Variants in FMN1 observed in about 807,000 individuals in gnomAD.
FMN1 encodes the protein formin 1, also known as formin-1.
FMN1 carries 110 observed loss-of-function variants against 132.4 expected under a neutral mutation model. The observed-to-expected ratio is 0.83, with a 90% CI of 0.71 to 0.97. The LOEUF (loss-of-function observed/expected upper bound fraction) is 0.97. FMN1 is among the 50% of genes least tolerant of loss of function. The pLI is 0.00. For synonymous variants in FMN1, 722 were observed against 651.7 expected (o/e 1.11, Z -1.64); for missense variants, 1,792 against 1,705.3 (o/e 1.05, Z -0.90).
intron 16 of FMN1, among the ~76,000 whole-genome samples, chr15:32,872,348 G>A (rs1411620422): frequency 6.6e-6 from 1 of 152,144 alleles, no homozygotes; most frequent in Non-Finnish European, 1.5e-5. Context: ...GAAGCATACA[G>A]GTATCATTAG....
intron 9 of FMN1, among the ~76,000 whole-genome samples, chr15:32,935,633 C>CTT (rs35444350): frequency 0.025 from 3,677 of 145,878 alleles, 62 homozygotes; most frequent in Non-Finnish European, 0.034. Context: ...TTTCTTTACT[C>CTT]TTTTTTTTTT....
intron 8 of FMN1, among the ~76,000 whole-genome samples, chr15:32,966,418 C>T (rs1014546786): frequency 2.6e-5 from 4 of 152,066 alleles, no homozygotes; most frequent in Non-Finnish European, 4.4e-5. Flanking sequence ...TGCTTCCCAA[C>T]GAATGACCTG....
intron 6 of FMN1, among the ~76,000 whole-genome samples, chr15:33,015,440 T>C (rs1342205153): frequency 6.6e-6 from 1 of 152,188 alleles, no homozygotes; most frequent in Admixed American, 6.5e-5. Flanking sequence ...TCAGGGCCTG[T>C]AGTTACTAGT....
At chr15:33,108,003 T>A (rs999672935) in intron 4 of FMN1, among the ~76,000 whole-genome samples, 1 of 152,086 alleles carries the variant, frequency 6.6e-6, no homozygotes, top group Admixed American at 6.6e-5. Flanking sequence ...GATGCCGTGT[T>A]ATTGGGAGTG....
At chr15:33,185,514 G>A (rs138248351) in intron 2 of FMN1, among the ~76,000 whole-genome samples, 44 of 148,846 alleles carry the variant, frequency 3.0e-4, no homozygotes, top group African/African-American at 1.0e-3. Context: ...TTACTTTTTA[G>A]AGAAGTCTTA....
chr15:32,798,027 C>T (rs1567182462), intron 19 of FMN1, among the ~76,000 whole-genome samples: 1 of 152,120 alleles, frequency 6.6e-6, no homozygotes, highest in Non-Finnish European at 1.5e-5. Flanking sequence ...CATTCTTATA[C>T]ATCTGTTCCA....
chr15:32,785,062 A>G (rs895494687), intron 19 of FMN1, among the ~76,000 whole-genome samples: 21 of 150,596 alleles, frequency 1.4e-4, no homozygotes, highest in African/African-American at 4.6e-4. Context: ...TTTCCCATTC[A>G]ACGTATCTGT....
intron 19 of FMN1, among the ~76,000 whole-genome samples, chr15:32,788,318 T>G (rs1465888467): frequency 6.6e-6 from 1 of 152,232 alleles, no homozygotes; most frequent in Non-Finnish European, 1.5e-5. Flanking sequence ...GGAGACAGTT[T>G]GAAAACTGAA....
Position 33,008,970 on chromosome 15 carries a change from T to G in FMN1, c.2162-895A>C, listed in dbSNP as rs182843380. On this transcript the variant is annotated intron_variant, in intron 6 of 20. Coordinates refer to ENST00000616417, the MANE Select transcript of FMN1 (RefSeq NM_001277313.2). ...GAAATATGTGTGAAAGCCAGGCTAT[T>G]TCTCCAAGTAGATTTCCTAAATCAG... Among the ~76,000 whole-genome samples the G allele has an allele frequency of 2.3e-3, 346 of 152,342 alleles. 2 individuals carry two copies. The highest frequency in any genetic ancestry group is 7.4e-3 in the African/African-American group (309 of 41,588).
At chr15:33,014,894 T>C (rs1441921388) in intron 6 of FMN1, among the ~76,000 whole-genome samples, 1 of 152,190 alleles carries the variant, frequency 6.6e-6, no homozygotes, top group African/African-American at 2.4e-5. Context: ...ACTAAATGAG[T>C]TTACCTAATT....
Position 33,154,420 on chromosome 15 carries a change from C to T in FMN1, c.495G>A (p.Arg165=), listed in dbSNP as rs532208882. 143 of 1,536,186 alleles carry T rather than the reference C, an allele frequency of 9.3e-5. No individual in the cohort carries two copies. The African/African-American group carries it at 1.5e-3, about 16-fold the overall frequency. The change falls in exon 4 of 21, where the codon AGG becomes AGA. Residue 165 remains arginine (R), a synonymous_variant. Coordinates refer to ENST00000616417, the MANE Select transcript of FMN1 (RefSeq NM_001277313.2). ...GNKKPRRSSG[R]RESFGALPQK... ...GTGGAAGGGCCCCAAAGCTCTCTCT[C>T]CTTCCACTAGACCTCCGAGGCTTTT... is the stretch of plus-strand genomic sequence containing the variant.
chr15:33,122,724 T>C (rs1962682736), intron 4 of FMN1, among the ~76,000 whole-genome samples: 2 of 152,344 alleles, frequency 1.3e-5, no homozygotes, highest in South Asian at 4.1e-4. Flanking sequence ...CCAGGTTTGC[T>C]CCTTCAAAAA....
chr15:32,941,529 G>C (rs1459765471), intron 9 of FMN1, among the ~76,000 whole-genome samples: 1 of 152,136 alleles, frequency 6.6e-6, no homozygotes, highest in East Asian at 1.9e-4. Context: ...CACTACTTCA[G>C]CTAATTGTAA....
intron 6 of FMN1, among the ~76,000 whole-genome samples, chr15:33,053,521 G>GC (rs2037075793): frequency 7.2e-5 from 11 of 152,156 alleles, no homozygotes; most frequent in Admixed American, 7.2e-4. Flanking sequence ...GAAGAATCCT[G>GC]CTTCAACAAG....
At chr15:33,049,945 T>A (rs345746) in intron 6 of FMN1, among the ~76,000 whole-genome samples, 59,538 of 152,134 alleles carry the variant, frequency 0.39, 12,031 homozygotes, top group Admixed American at 0.48. Flanking sequence ...TCAATTAAAC[T>A]CCTTTAAATT....
intron 9 of FMN1, among the ~76,000 whole-genome samples, chr15:32,947,246 A>T (rs2061529979): frequency 6.6e-6 from 1 of 152,012 alleles, no homozygotes; most frequent in Non-Finnish European, 1.5e-5. Context: ...TATATATTCA[A>T]TTTTTAAAAT....
chr15:33,057,088 G>A (rs1412993792), intron 6 of FMN1, among the ~76,000 whole-genome samples: 1 of 152,216 alleles, frequency 6.6e-6, no homozygotes, highest in African/African-American at 2.4e-5. Context: ...TGAGGCAGAA[G>A]AATGGGTTGA....
chr15:32,939,436 G>A (rs180915338), intron 9 of FMN1, among the ~76,000 whole-genome samples: 3 of 151,992 alleles, frequency 2.0e-5, no homozygotes, highest in African/African-American at 7.3e-5. Flanking sequence ...CAAAGATGTG[G>A]AACATGACAA....
intron 4 of FMN1, among the ~76,000 whole-genome samples, chr15:33,136,507 G>C (rs1323522197): frequency 6.6e-6 from 1 of 152,118 alleles, no homozygotes; most frequent in Non-Finnish European, 1.5e-5. Context: ...ACAGATTTCA[G>C]GGTGAAAATG....
Sources: gnomAD v4.1 joint callset for allele counts (sites outside exome capture counted in the v4.1 genomes callset) on GRCh38, gnomAD v4.1.1 for gene constraint, MANE v1.5 for transcripts, NCBI Gene and HGNC (gene_info 2026-07-23, HGNC 2026-07-21) for gene names.